SEPTIN10: variants seen among roughly 807,000 people sequenced by gnomAD.
The protein encoded by SEPTIN10 is septin 10.
SEPTIN10 carries 66 observed loss-of-function variants against 54.8 expected under a neutral mutation model. That is an observed-to-expected ratio of 1.21 (90% CI 0.99 to 1.48). SEPTIN10 has a LOEUF of 1.48. Ranked by LOEUF, SEPTIN10 falls within the 40% of genes most tolerant of loss-of-function variation. The pLI is 0.00. For synonymous variants in SEPTIN10, 161 were observed against 181.0 expected, an observed-to-expected ratio of 0.89 and a Z score of 0.89; for missense variants, 620 against 545.6, an observed-to-expected ratio of 1.14 and a Z score of -1.36.
chr2:109,571,118 A>G (rs1211174777), intron 5 of SEPTIN10, among the ~76,000 whole-genome samples: 1 of 152,160 alleles, frequency 6.6e-6, no homozygotes, highest in Non-Finnish European at 1.5e-5. Flanking sequence ...TTCTCAGGTC[A>G]TATAAGACAT....
At chr2:109,559,565 T>A (rs527268312) in intron 8 of SEPTIN10, among the ~76,000 whole-genome samples, 19 of 152,242 alleles carry the variant, frequency 1.2e-4, no homozygotes, top group Non-Finnish European at 1.9e-4. Context: ...TGATGGGCAA[T>A]CTATGATTTC....
intron 5 of SEPTIN10, among the ~76,000 whole-genome samples, chr2:109,570,067 A>T (rs1688004260): frequency 6.6e-6 from 1 of 152,190 alleles, no homozygotes; most frequent in African/African-American, 2.4e-5. Context: ...AATGGGCCAA[A>T]TCAAGTAATT....
chr2:109,552,104 A>G (rs985983997), intron 9 of SEPTIN10, among the ~76,000 whole-genome samples: 1 of 152,214 alleles, frequency 6.6e-6, no homozygotes, highest in Non-Finnish European at 1.5e-5. Flanking sequence ...CCTATTGCAA[A>G]CTGTGCATGT....
chr2:109,579,977 T>C lies in SEPTIN10; in HGVS notation c.413+5149A>G, dbSNP rs953307697. Among the ~76,000 whole-genome samples, 3 of 151,490 alleles carry C rather than the reference T, an allele frequency of 2.0e-5. 1 individual carries two copies. Among genetic ancestry groups the C allele is most frequent in the South Asian group, 4.2e-4 (2 of 4,780 alleles). On this transcript the variant is annotated intron_variant, in intron 4 of 10. Transcript: ENST00000397712. ...CTCTACTAAAAATACAAAAATTAGC[T>C]GGGCGTGGTGGCAGGCGCCTGTAAT... is the stretch of plus-strand genomic sequence containing the variant.
chr2:109,563,912 G>A (rs535236731), intron 8 of SEPTIN10, among the ~76,000 whole-genome samples: 67 of 152,262 alleles, frequency 4.4e-4, no homozygotes, highest in African/African-American at 1.6e-3. Context: ...CTTGAGGCCA[G>A]GAGTTTGAGA....
chr2:109,608,772 A>G (rs970453516), intron 1 of SEPTIN10, among the ~76,000 whole-genome samples: 3 of 151,028 alleles, frequency 2.0e-5, no homozygotes, highest in African/African-American at 7.4e-5. Flanking sequence ...TACAAATCCT[A>G]AAAAAAAATT....
At chr2:109,566,009 T>G (rs1686928313) in intron 6 of SEPTIN10, 150 bp from the exon 7 acceptor site, 1 of 696,350 alleles carries the variant, frequency 1.4e-6, no homozygotes, top group Non-Finnish European at 2.5e-6. Flanking sequence ...AACCTGCCAG[T>G]GAATATGTGC....
chr2:109,579,847 G>A (rs971792491), intron 4 of SEPTIN10, among the ~76,000 whole-genome samples: 2 of 151,866 alleles, frequency 1.3e-5, no homozygotes, highest in Non-Finnish European at 2.9e-5. Flanking sequence ...AAGGCCAGGC[G>A]CAGTGGCTCA....
chr2:109,595,579 G>C (rs956311465), intron 1 of SEPTIN10, among the ~76,000 whole-genome samples: 1 of 152,128 alleles, frequency 6.6e-6, no homozygotes, highest in Non-Finnish European at 1.5e-5. Context: ...CTGAAGGCAG[G>C]AGTCAAAGAA....
Position 109,551,976 on chromosome 2 carries a change from G to A in SEPTIN10, c.1161+1111C>T, listed in dbSNP as rs114305089. On this transcript the variant is annotated intron_variant, in intron 9 of 10. Coordinates refer to ENST00000397712, the MANE Select transcript of SEPTIN10 (RefSeq NM_144710.5). ...GGCCGCGGACCAGTACTGGTCCATG[G>A]CCTGTTAGGAACTGGGCTACACAGT... 4.1e-3 allele frequency among the ~76,000 whole-genome samples: 629 copies of A among 152,332 alleles called. 6 individuals are homozygous for A. The highest frequency in any genetic ancestry group is 0.014 in the African/African-American group (585 of 41,566).
intron 1 of SEPTIN10, chr2:109,605,501 G>T (rs1223076121): frequency 6.6e-6 from 1 of 151,964 alleles, no homozygotes; most frequent in African/African-American, 2.4e-5. Context: ...TAAATAAATT[G>T]TACTTGAATA....
intron 1 of SEPTIN10, among the ~76,000 whole-genome samples, chr2:109,608,561 C>A (rs980904431): frequency 1.3e-5 from 2 of 152,152 alleles, no homozygotes; most frequent in Non-Finnish European, 2.9e-5. Flanking sequence ...GGAGCCCATC[C>A]TACCTGGCAC....
chr2:109,578,879 G>A (rs1053047772), intron 4 of SEPTIN10, among the ~76,000 whole-genome samples: 18 of 152,140 alleles, frequency 1.2e-4, no homozygotes, highest in Admixed American at 4.6e-4. Context: ...AATGCATAAG[G>A]CTGAAAATCA....
At chr2:109,560,210 G>C (rs28599496) in intron 8 of SEPTIN10, among the ~76,000 whole-genome samples, 9,460 of 152,190 alleles carry the variant, frequency 0.062, 376 homozygotes, top group Non-Finnish European at 0.091. Context: ...GTGAGCCACC[G>C]GGCCTGGCCC....
At chr2:109,591,257 CAT>C (rs1299058194) in intron 2 of SEPTIN10, among the ~76,000 whole-genome samples, 1 of 152,126 alleles carries the variant, frequency 6.6e-6, no homozygotes, top group Non-Finnish European at 1.5e-5. Context: ...ATGCTTATTA[CAT>C]AAAAGTTGAA....
intron 3 of SEPTIN10, 66 bp from the exon 4 acceptor site, chr2:109,585,387 G>A (rs1256385390): frequency 1.5e-6 from 2 of 1,318,788 alleles, no homozygotes; most frequent in African/African-American, 3.0e-5. Flanking sequence ...AACTGTAAAT[G>A]CCTAGAGTGG....
intron 5 of SEPTIN10, among the ~76,000 whole-genome samples, chr2:109,570,548 G>A (rs566583846): frequency 4.7e-4 from 70 of 149,376 alleles, no homozygotes; most frequent in African/African-American, 1.6e-3. Context: ...TTTCCAAGAC[G>A]GAGTCTAGCT....
At chr2:109,571,190 T>C (rs1688292770) in intron 5 of SEPTIN10, among the ~76,000 whole-genome samples, 1 of 152,248 alleles carries the variant, frequency 6.6e-6, no homozygotes, top group South Asian at 2.1e-4. Context: ...CCAGCCAGGC[T>C]TCTTGTACAG....
At chr2:109,611,095 C>T (rs1288822845) in intron 1 of SEPTIN10, among the ~76,000 whole-genome samples, 1 of 152,154 alleles carries the variant, frequency 6.6e-6, no homozygotes, top group African/African-American at 2.4e-5. Flanking sequence ...GGAAAGGGAG[C>T]CTATTCAACA....
Sources: gnomAD v4.1 joint callset for allele counts (sites outside exome capture counted in the v4.1 genomes callset) on GRCh38, gnomAD v4.1.1 for gene constraint, MANE v1.5 for transcripts, NCBI Gene and HGNC (gene_info 2026-07-23, HGNC 2026-07-21) for gene names.